SYTL3: variants seen among roughly 807,000 people sequenced by gnomAD.
The protein encoded by SYTL3 is synaptotagmin like 3, also known as synaptotagmin-like protein 3.
Under a neutral mutation model 82.1 loss-of-function variants are expected in SYTL3, and 88 were observed. The observed-to-expected ratio is 1.07, with a 90% CI of 0.90 to 1.28. The LOEUF is 1.28. Among genes scored for constraint, SYTL3 ranks in the 50% most tolerant of loss-of-function variants. The probability of loss-of-function intolerance (pLI) is 0.00; values close to 1 mark genes in which losing one functional copy is unlikely to be tolerated. For missense variants in SYTL3, 831 were observed against 757.6 expected, an observed-to-expected ratio of 1.10 and a Z score of -1.14; for synonymous variants, 311 against 289.4, an observed-to-expected ratio of 1.07 and a Z score of -0.76.
intron 12 of SYTL3, among the ~76,000 whole-genome samples, chr6:158,749,598 G>T (rs1388467383): frequency 7.6e-6 from 1 of 131,594 alleles, no homozygotes; most frequent in Admixed American, 9.3e-5. Flanking sequence ...TGGTCCTACT[G>T]CCTTAGCCTC....
At chr6:158,753,994 C>T (rs1030778109) in intron 13 of SYTL3, among the ~76,000 whole-genome samples, 23 of 152,030 alleles carry the variant, frequency 1.5e-4, no homozygotes, top group Middle Eastern at 3.4e-3. Context: ...GATGGGAAGC[C>T]GGGGAGGCCG....
chr6:158,745,984 A>T (rs1386839031), intron 12 of SYTL3, among the ~76,000 whole-genome samples: 1 of 152,120 alleles, frequency 6.6e-6, no homozygotes, highest in South Asian at 2.1e-4. Flanking sequence ...ACAAATACAT[A>T]TCTCACAGTT....
chr6:158,763,500 C>T lies in SYTL3; in HGVS notation c.1714C>T (p.Leu572Phe). 1.2e-6 allele frequency: 2 copies of T among 1,613,922 alleles called. No homozygotes were observed. The highest frequency in any genetic ancestry group is 1.7e-6 in the Non-Finnish European group (2 of 1,179,786). Residue 572 changes from leucine (L) to phenylalanine (F), a missense_variant, in exon 17 of 18, where the codon CTT becomes TTT. Leu to Phe is a conservative substitution (Grantham distance 22). Coordinates refer to ENST00000611299, the MANE Select transcript of SYTL3 (RefSeq NM_001242394.2). ...CGACCGCTTGCTTGGAGGAACCAGA[C>T]TTGGTTCAAGTAAGTCTGAGACATT... is the stretch of plus-strand genomic sequence containing the variant. ...MNDRLLGGTR[L>F]GSKGDTAVGG...
At chr6:158,711,161 A>G (rs1005581241) in intron 8 of SYTL3, among the ~76,000 whole-genome samples, 27 of 152,180 alleles carry the variant, frequency 1.8e-4, no homozygotes, top group African/African-American at 6.3e-4. Context: ...GCCATTTCCT[A>G]CTTTTGCAAC....
At chr6:158,657,546 G>A (rs188537206) in intron 2 of SYTL3, among the ~76,000 whole-genome samples, 5 of 151,978 alleles carry the variant, frequency 3.3e-5, no homozygotes, top group Admixed American at 2.0e-4. Flanking sequence ...TTTAAAATGA[G>A]TAAATTGTCA....
upstream of SYTL3, among the ~76,000 whole-genome samples, chr6:158,647,378 C>T (rs1314610196): frequency 6.6e-6 from 1 of 152,234 alleles, no homozygotes; most frequent in Non-Finnish European, 1.5e-5. Flanking sequence ...TCACAACTAT[C>T]TGTTCACTTG....
intron 6 of SYTL3, among the ~76,000 whole-genome samples, chr6:158,685,430 A>C (rs548980727): frequency 6.7e-6 from 1 of 149,562 alleles, no homozygotes; most frequent in South Asian, 2.1e-4. Context: ...CTGGTCTTGA[A>C]CTCCTGACCT....
intron 6 of SYTL3, among the ~76,000 whole-genome samples, chr6:158,701,174 A>AC (rs1174100414): frequency 8.5e-5 from 11 of 129,614 alleles, no homozygotes; most frequent in African/African-American, 1.6e-4. Context: ...TAGATGAAGG[A>AC]GGTGAGCTGG....
chr6:158,703,346 C>T (rs1022416675), intron 6 of SYTL3, among the ~76,000 whole-genome samples: 2 of 152,006 alleles, frequency 1.3e-5, no homozygotes, highest in Non-Finnish European at 2.9e-5. Flanking sequence ...AGACGGGTAT[C>T]CCTGCTAAAG....
intron 8 of SYTL3, among the ~76,000 whole-genome samples, chr6:158,710,831 A>C (rs931127869): frequency 6.1e-5 from 9 of 147,332 alleles, no homozygotes; most frequent in Non-Finnish European, 1.3e-4. Context: ...TCCAGGCTGG[A>C]GTGCAATGGC....
At chr6:158,669,537 AC>A (rs1777128449) in intron 5 of SYTL3, among the ~76,000 whole-genome samples, 1 of 152,194 alleles carries the variant, frequency 6.6e-6, no homozygotes, top group Admixed American at 6.5e-5. Context: ...GAGCTTATAT[AC>A]CATCATTAGA....
chr6:158,723,701 A>T (rs936395736), intron 10 of SYTL3, among the ~76,000 whole-genome samples: 1 of 152,230 alleles, frequency 6.6e-6, no homozygotes, highest in East Asian at 1.9e-4. Flanking sequence ...TATAATGGGC[A>T]GTTATTTAAA....
At chr6:158,705,739 A>T (rs1042957551) in intron 6 of SYTL3, among the ~76,000 whole-genome samples, 4 of 151,830 alleles carry the variant, frequency 2.6e-5, no homozygotes, top group African/African-American at 9.7e-5. Context: ...TGAGGGCTGT[A>T]AGGCCACGTA....
chr6:158,688,274 G>A (rs1238774161), intron 6 of SYTL3, among the ~76,000 whole-genome samples: 4 of 150,522 alleles, frequency 2.7e-5, no homozygotes, highest in African/African-American at 1.0e-4. Context: ...GTTTATTTTT[G>A]GGGGGTAAAT....
rs1452843945 is a variant in SYTL3, at chr6:158,764,700, C to G, written c.*96C>G. ...AGGTGCAGGGTCCCAGCTGGAGACC[C>G]CTTTGACCTTGAGCAGTCTCCATCT... is the stretch of plus-strand genomic sequence containing the variant. On this transcript the variant is annotated 3_prime_UTR_variant, in exon 18 of 18. Transcript: ENST00000611299. 3.6e-6 allele frequency: 3 copies of G among 836,770 alleles called. No homozygotes were observed. Among genetic ancestry groups the G allele is most frequent in the Non-Finnish European group, 4.0e-6 (2 of 495,262 alleles). The allele number at this position is 836,770 out of a possible 1,614,324, so 51.8% of individuals were successfully genotyped here. A position where few individuals can be genotyped will look rare whatever the true frequency, so the allele number is the denominator to read the frequency against.
rs73593046 is a variant in SYTL3 at position 158,725,500 on chromosome 6, C to T, written c.721-3C>T. The T allele has an allele frequency of 0.018, 29,434 of 1,612,474 alleles. 323 individuals carry two copies. The highest frequency in any genetic ancestry group is 0.03 in the African/African-American group (2,242 of 74,906). ...ATATTAATTTCTGTTTTTCCTTCTC[C>T]AGAAGGTCAGTGCACCAGATATTCT... On this transcript the variant is annotated splice_region_variant and splice_polypyrimidine_tract_variant and intron_variant, in intron 10 of 17. Coordinates refer to ENST00000611299, the MANE Select transcript of SYTL3 (RefSeq NM_001242394.2).
intron 12 of SYTL3, 73 bp downstream of exon 12, chr6:158,745,731 G>C: frequency 1.9e-6 from 2 of 1,044,804 alleles, no homozygotes; most frequent in Non-Finnish European, 2.6e-6. Flanking sequence ...AAAAGTCTAA[G>C]AATAACCAAG....
upstream of SYTL3, among the ~76,000 whole-genome samples, chr6:158,645,622 G>T (rs1415975180): frequency 1.3e-5 from 2 of 152,240 alleles, no homozygotes; most frequent in African/African-American, 4.8e-5. Flanking sequence ...AACAACCCTT[G>T]TTATTTCTAC....
chr6:158,722,812 C>A (rs1346058350), intron 10 of SYTL3, among the ~76,000 whole-genome samples: 1 of 140,268 alleles, frequency 7.1e-6, no homozygotes, highest in Non-Finnish European at 1.5e-5. Context: ...GCTCTGTCAC[C>A]CAGACAGCGA....
Sources: allele counts gnomAD v4.1 joint callset (sites outside exome capture counted in the v4.1 genomes callset), GRCh38; gene constraint gnomAD v4.1.1; transcripts MANE v1.5; gene names NCBI Gene and HGNC (gene_info 2026-07-23, HGNC 2026-07-21).